OR51B5: variants seen among roughly 807,000 people sequenced by gnomAD.
OR51B5 encodes the protein olfactory receptor 51B5.
For missense variants in OR51B5, 456 were observed against 374.6 expected (o/e 1.22, Z -1.79); for synonymous variants, 186 against 144.8 (o/e 1.28, Z -2.04).
chr11:5,420,339 A>G (rs543965419), intron 1 of OR51B5, among the ~76,000 whole-genome samples: 1 of 152,084 alleles, frequency 6.6e-6, no homozygotes, highest in Non-Finnish European at 1.5e-5. Context: ...TGAAAGTTTA[A>G]AACACCAATT....
chr11:5,463,645 T>C (rs1851091863), intron 1 of OR51B5, among the ~76,000 whole-genome samples: 1 of 152,230 alleles, frequency 6.6e-6, no homozygotes, highest in South Asian at 2.1e-4. Context: ...TTTTGTTTGT[T>C]TGTTTATAAG....
chr11:5,352,796 A>G (rs997728150), intron 1 of OR51B5, among the ~76,000 whole-genome samples: 1 of 147,492 alleles, frequency 6.8e-6, no homozygotes, highest in African/African-American at 2.5e-5. Context: ...ATACCCATAC[A>G]CTATTATATA....
chr11:5,489,546 G>A lies in OR51B5; in HGVS notation n.84+16023C>T, dbSNP rs143524095. ...TCCCCAAGCATGTGCACATCTTTCT[G>A]GCTAATCTCTATGTGCTGGTGCCTC... On this transcript the variant is annotated intron_variant and non_coding_transcript_variant, in intron 1 of 4. Transcript: ENST00000415970. 3.1e-6 allele frequency: 5 copies of A among 1,613,872 alleles called. No homozygotes were observed. The African/African-American group carries it at 4.0e-5, about 13-fold the overall frequency.
At chr11:5,381,461 C>T (rs1051915598) in intron 1 of OR51B5, among the ~76,000 whole-genome samples, 3 of 152,204 alleles carry the variant, frequency 2.0e-5, no homozygotes, top group African/African-American at 4.8e-5. Flanking sequence ...CATCATCCTC[C>T]TCTTGGCCTC....
At chr11:5,470,074 G>C (rs1590015882) in intron 1 of OR51B5, among the ~76,000 whole-genome samples, 2 of 152,056 alleles carry the variant, frequency 1.3e-5, no homozygotes, top group South Asian at 4.1e-4. Context: ...TCTCTGTTTA[G>C]ACCACAGATT....
chr11:5,391,044 T>A (rs1298395658), intron 1 of OR51B5: 1 of 152,262 alleles, frequency 6.6e-6, no homozygotes, highest in Non-Finnish European at 1.5e-5. Flanking sequence ...CAACCTCAAG[T>A]CTGACATTAA....
chr11:5,424,298 G>A (rs1850407340), intron 1 of OR51B5, among the ~76,000 whole-genome samples: 1 of 152,090 alleles, frequency 6.6e-6, no homozygotes, highest in Non-Finnish European at 1.5e-5. Flanking sequence ...ATAGAAGGGT[G>A]AGGAAAATGA....
intron 1 of OR51B5, among the ~76,000 whole-genome samples, chr11:5,406,264 A>G (rs1850057138): frequency 6.6e-6 from 1 of 152,224 alleles, no homozygotes; most frequent in African/African-American, 2.4e-5. Flanking sequence ...TTCTCAGATT[A>G]TAGCCAATTT....
rs906878854 is a variant in OR51B5, at chr11:5,397,160, T to C, written n.85-50250A>G. The stretch of plus-strand genomic sequence containing the variant: ...TAGGCATGGGCATGGACTTCATGTC[T>C]AAAACACCAAAAGCAATGGCAACAA... On this transcript the variant is annotated intron_variant and non_coding_transcript_variant, in intron 1 of 4. Coordinates refer to the OR51B5 transcript ENST00000415970. 1.7e-4 allele frequency among the ~76,000 whole-genome samples: 26 copies of C among 152,260 alleles called. 1 individual carries two copies. Among genetic ancestry groups the C allele is most frequent in the African/African-American group, 6.0e-4 (25 of 41,542 alleles).
chr11:5,489,577 C>G (rs1590026535), intron 1 of OR51B5: 2 of 1,614,034 alleles, frequency 1.2e-6, no homozygotes, highest in East Asian at 4.5e-5. Flanking sequence ...GCCTCCTGTA[C>G]TCAATCCTAT....
At position 5,413,996 on chromosome 11, in the gene OR51B5, T is replaced by A. The variant is rs1046181055; in HGVS notation, n.85-67086A>T. ...CACACAATTGTCAGATTCTCCAAAG[T>A]TGAAATGAAGGAAAAAATGTTAAGG... On this transcript the variant is annotated intron_variant and non_coding_transcript_variant, in intron 1 of 4. Transcript: ENST00000415970. Among the ~76,000 whole-genome samples the A allele has an allele frequency of 2.7e-4, 40 of 145,514 alleles. 1 individual carries two copies. The highest frequency in any genetic ancestry group is 1.0e-3 in the African/African-American group (40 of 39,756).
intron 1 of OR51B5, among the ~76,000 whole-genome samples, chr11:5,395,253 G>A (rs903299332): frequency 3.3e-5 from 5 of 152,190 alleles, no homozygotes; most frequent in African/African-American, 7.2e-5. Flanking sequence ...TGCAGCCCAC[G>A]TAGAACAGCA....
intron 1 of OR51B5, among the ~76,000 whole-genome samples, chr11:5,477,642 T>C (rs1220359781): frequency 6.6e-6 from 1 of 151,854 alleles, no homozygotes; most frequent in Non-Finnish European, 1.5e-5. Flanking sequence ...TCGGCGCAGG[T>C]CAGTGGGTGC....
chr11:5,366,201 G>A (rs184272867), intron 1 of OR51B5, among the ~76,000 whole-genome samples: 444 of 152,252 alleles, frequency 2.9e-3, no homozygotes, highest in Non-Finnish European at 3.8e-3. Context: ...AAGGATGAGG[G>A]AAACAGGAAG....
In OR51B5 at chr11:5,437,853, G is replaced by A. The variant is rs1850613527; in HGVS notation, n.84+67716C>T. On this transcript the variant is annotated intron_variant and non_coding_transcript_variant, in intron 1 of 4. Transcript: ENST00000415970. ...TGTTCATCTCAGTTTTAGAGTGAGG[G>A]TGTATTGAGAGAAGGAACAGCAGGA... Among the ~76,000 whole-genome samples, 4 of 152,250 alleles carry A rather than the reference G, an allele frequency of 2.6e-5. No individual in the cohort carries two copies. The South Asian group carries it at 8.3e-4, about 32-fold the overall frequency.
At chr11:5,399,983 C>T (rs1010776310) in intron 1 of OR51B5, among the ~76,000 whole-genome samples, 1 of 152,080 alleles carries the variant, frequency 6.6e-6, no homozygotes, top group Non-Finnish European at 1.5e-5. Flanking sequence ...CTGCTCAATC[C>T]AGAGGCAGAT....
chr11:5,383,725 A>G (rs1849643716), intron 1 of OR51B5: 1 of 152,154 alleles, frequency 6.6e-6, no homozygotes, highest in Non-Finnish European at 1.5e-5. Context: ...TGCCCATAGG[A>G]TTCCCAGCCC....
chr11:5,461,637 T>G lies in OR51B5; in HGVS notation n.84+43932A>C, dbSNP rs184558299. On this transcript the variant is annotated intron_variant and non_coding_transcript_variant, in intron 1 of 4. Transcript: ENST00000415970. ...TTTCCCATGCCAAACCCCTTGGGCC[T>G]TGCACAGACTGGAGTTCTGTCTCTG... is the stretch of plus-strand genomic sequence containing the variant. Among the ~76,000 whole-genome samples the G allele has an allele frequency of 3.0e-3, 464 of 152,308 alleles. 8 individuals are homozygous for G. The highest frequency in any genetic ancestry group is 0.012 in the East Asian group (62 of 5,166).
At chr11:5,388,741 C>A (rs536443958) in intron 1 of OR51B5, among the ~76,000 whole-genome samples, 1 of 151,826 alleles carries the variant, frequency 6.6e-6, no homozygotes, top group South Asian at 2.1e-4. Context: ...TAGTAGTCAA[C>A]TGAATACAGT....
Sources: allele counts gnomAD v4.1 joint callset (sites outside exome capture counted in the v4.1 genomes callset), GRCh38; gene constraint gnomAD v4.1.1; transcripts MANE v1.5; gene names NCBI Gene and HGNC (gene_info 2026-07-23, HGNC 2026-07-21).